Variants in RBFOX1 observed in about 807,000 individuals in gnomAD.
RBFOX1 encodes RNA binding protein fox-1 homolog 1.
Under a neutral mutation model 57.7 loss-of-function variants are expected in RBFOX1, and 8 were observed. The observed-to-expected ratio is 0.14, with a 90% CI of 0.08 to 0.25. The LOEUF (loss-of-function observed/expected upper bound fraction) is 0.25, where lower values mean the gene tolerates loss of function less well. Ranked by LOEUF, RBFOX1 falls within the 10% of genes least tolerant of loss-of-function variation. RBFOX1 has a pLI of 1.00. For synonymous variants in RBFOX1, 326 were observed against 222.4 expected (o/e 1.47, Z -4.15); for missense variants, 611 against 548.5 (o/e 1.11, Z -1.14).
intron 3 of RBFOX1, among the ~76,000 whole-genome samples, chr16:5,818,498 C>G (rs2055726184): frequency 6.6e-6 from 1 of 152,200 alleles, no homozygotes; most frequent in Non-Finnish European, 1.5e-5. Context: ...GTGCCAGATA[C>G]TGTGCTAGGC....
At chr16:7,390,025 T>G (rs911479481) in intron 4 of RBFOX1, among the ~76,000 whole-genome samples, 3 of 152,096 alleles carry the variant, frequency 2.0e-5, no homozygotes, top group Admixed American at 1.3e-4. Flanking sequence ...AGGAAACTTA[T>G]AATCATGGCA....
At chr16:6,214,744 A>G (rs559224276) in intron 1 of RBFOX1, among the ~76,000 whole-genome samples, 54 of 102,438 alleles carry the variant, frequency 5.3e-4, no homozygotes, top group African/African-American at 2.1e-3. Flanking sequence ...GGAGAGGGAG[A>G]AGGAGAAGGG....
At chr16:7,363,981 A>T (rs1229965010) in intron 4 of RBFOX1, among the ~76,000 whole-genome samples, 1 of 152,120 alleles carries the variant, frequency 6.6e-6, no homozygotes, top group Non-Finnish European at 1.5e-5. Flanking sequence ...ATTTGAGGGG[A>T]AATATTTTTG....
intron 4 of RBFOX1, among the ~76,000 whole-genome samples, chr16:7,361,033 C>G (rs763122568): frequency 6.6e-6 from 1 of 152,198 alleles, no homozygotes; most frequent in Non-Finnish European, 1.5e-5. Flanking sequence ...AACCAGGAAG[C>G]TGGCTTTGTG....
chr16:5,837,321 G>A (rs554430921), intron 3 of RBFOX1, among the ~76,000 whole-genome samples: 2 of 151,796 alleles, frequency 1.3e-5, no homozygotes, highest in South Asian at 4.2e-4. Context: ...CAGCCCCAAG[G>A]GTCCTAGAAT....
chr16:7,336,712 T>A (rs1208108222), intron 4 of RBFOX1, among the ~76,000 whole-genome samples: 1 of 152,208 alleles, frequency 6.6e-6, no homozygotes, highest in East Asian at 1.9e-4. Context: ...AGATTTAGGA[T>A]CTCAATTTAT....
chr16:6,689,682 G>A (rs945278613), intron 3 of RBFOX1, among the ~76,000 whole-genome samples: 1 of 152,150 alleles, frequency 6.6e-6, no homozygotes, highest in South Asian at 2.1e-4. Flanking sequence ...TCCTCTGGAA[G>A]TACTTTGGTG....
At chr16:6,568,308 C>T (rs947028738) in intron 2 of RBFOX1, among the ~76,000 whole-genome samples, 2 of 152,150 alleles carry the variant, frequency 1.3e-5, no homozygotes, top group African/African-American at 4.8e-5. Context: ...TGCTTCTAGA[C>T]TCACTCATAT....
chr16:6,591,799 C>CT (rs1470959686), intron 2 of RBFOX1, among the ~76,000 whole-genome samples: 1 of 152,174 alleles, frequency 6.6e-6, no homozygotes, highest in Admixed American at 6.5e-5. Flanking sequence ...TTTAAACGCA[C>CT]TAACAAACCT....
intron 3 of RBFOX1, among the ~76,000 whole-genome samples, chr16:6,972,162 G>T (rs1250597923): frequency 6.6e-6 from 1 of 152,064 alleles, no homozygotes; most frequent in Non-Finnish European, 1.5e-5. Flanking sequence ...GTAGTGTTCA[G>T]TATATTCACG....
intron 3 of RBFOX1, among the ~76,000 whole-genome samples, chr16:6,829,309 T>C (rs1208359651): frequency 6.6e-6 from 1 of 151,584 alleles, no homozygotes; most frequent in Non-Finnish European, 1.5e-5. Context: ...GAATTTAATC[T>C]ACATAAATAC....
At chr16:5,618,211 G>A (rs994925571) in intron 3 of RBFOX1, among the ~76,000 whole-genome samples, 5 of 152,170 alleles carry the variant, frequency 3.3e-5, no homozygotes, top group African/African-American at 1.2e-4. Flanking sequence ...GTTTCTGAGA[G>A]TCATAGAGAT....
At chr16:7,098,163 T>C (rs946563019) in intron 4 of RBFOX1, among the ~76,000 whole-genome samples, 3 of 151,986 alleles carry the variant, frequency 2.0e-5, no homozygotes, top group African/African-American at 7.3e-5. Flanking sequence ...GGACAAAAAG[T>C]TTTTTATTTT....
intron 2 of RBFOX1, among the ~76,000 whole-genome samples, chr16:6,475,143 G>A (rs191855186): frequency 6.6e-6 from 1 of 152,100 alleles, no homozygotes; most frequent in South Asian, 2.1e-4. Flanking sequence ...GCTCTCTTTG[G>A]GTGGTGAAAT....
intron 3 of RBFOX1, among the ~76,000 whole-genome samples, chr16:6,920,315 G>C (rs779883863): frequency 6.6e-6 from 1 of 152,094 alleles, no homozygotes; most frequent in Non-Finnish European, 1.5e-5. Context: ...TGGATCAAAC[G>C]GTAGTTCTGC....
intron 3 of RBFOX1, among the ~76,000 whole-genome samples, chr16:5,724,509 C>T (rs576691052): frequency 6.6e-6 from 1 of 152,084 alleles, no homozygotes; most frequent in Non-Finnish European, 1.5e-5. Flanking sequence ...GAACCCAGGA[C>T]CCATTACCTA....
At chr16:7,058,976 GAA>G (rs2153743939) in intron 4 of RBFOX1, among the ~76,000 whole-genome samples, 1 of 152,326 alleles carries the variant, frequency 6.6e-6, no homozygotes, top group East Asian at 1.9e-4. Context: ...CCCGCCTTGT[GAA>G]AGAGGTTGTA....
At chr16:5,886,667 C>T (rs1246560171) in intron 4 of RBFOX1, among the ~76,000 whole-genome samples, 1 of 152,202 alleles carries the variant, frequency 6.6e-6, no homozygotes, top group Non-Finnish European at 1.5e-5. Flanking sequence ...GCAGGCAGAT[C>T]ATCTGAGGTC....
intron 3 of RBFOX1, among the ~76,000 whole-genome samples, chr16:5,633,511 C>G (rs1192407510): frequency 2.0e-5 from 3 of 152,206 alleles, no homozygotes; most frequent in Non-Finnish European, 2.9e-5. Context: ...GTGTATCCGA[C>G]AAAAGACTGA....
Sources: gnomAD v4.1 joint callset for allele counts (sites outside exome capture counted in the v4.1 genomes callset) on GRCh38, gnomAD v4.1.1 for gene constraint, MANE v1.5 for transcripts, NCBI Gene and HGNC (gene_info 2026-07-23, HGNC 2026-07-21) for gene names.